Variants in WDR37 observed in about 807,000 individuals in gnomAD.
WDR37 encodes the protein WD repeat-containing protein 37.
WDR37 carries 19 observed loss-of-function variants against 62.9 expected under a neutral mutation model. That is an observed-to-expected ratio of 0.30 (90% CI 0.21 to 0.44). The LOEUF (loss-of-function observed/expected upper bound fraction) is 0.44, where lower values mean the gene tolerates loss of function less well. WDR37 is among the 20% of genes least tolerant of loss of function. WDR37 has a pLI of 1.00. For synonymous variants in WDR37, 250 were observed against 260.9 expected (o/e 0.96, Z 0.40); for missense variants, 474 against 657.6 (o/e 0.72, Z 3.05).
chr10:1,090,735 C>T (rs555307577), intron 7 of WDR37, among the ~76,000 whole-genome samples: 2 of 152,204 alleles, frequency 1.3e-5, no homozygotes, highest in Non-Finnish European at 2.9e-5. Context: ...TTGTTCTTCT[C>T]TCTTTAGATT....
intron 1 of WDR37, among the ~76,000 whole-genome samples, chr10:1,068,687 ACT>A (rs1251566421): frequency 6.6e-6 from 1 of 152,120 alleles, no homozygotes; most frequent in African/African-American, 2.4e-5. Context: ...ATAGTTTGAC[ACT>A]CTTAGAAAAA....
At chr10:1,116,952 A>G (rs117720066) in intron 11 of WDR37, among the ~76,000 whole-genome samples, 3,330 of 151,988 alleles carry the variant, frequency 0.022, 60 homozygotes, top group Non-Finnish European at 0.035. Flanking sequence ...CCGTGCCACC[A>G]CCTGCAGAGC....
chr10:1,089,877 G>C (rs903927313), intron 7 of WDR37, among the ~76,000 whole-genome samples: 39 of 152,216 alleles, frequency 2.6e-4, no homozygotes, highest in African/African-American at 9.4e-4. Context: ...TGTCAGAGAG[G>C]GGAGAAGACG....
rs1249575160 is a variant in WDR37 at position 1,069,510 on chromosome 10, A to G, written c.-40-2606A>G. Among the ~76,000 whole-genome samples the G allele has an allele frequency of 2.6e-5, 4 of 151,322 alleles. No individual in the cohort carries two copies. The East Asian group carries it at 7.8e-4, about 29-fold the overall frequency. ...TTGATACATGCAGAAAATTGGTTGG[A>G]TCGTAACCATTAAATTGAGTGGAAA... On this transcript the variant is annotated intron_variant, in intron 1 of 13. Coordinates refer to ENST00000263150, the MANE Select transcript of WDR37 (RefSeq NM_014023.4).
intron 7 of WDR37, among the ~76,000 whole-genome samples, chr10:1,087,440 A>G (rs1834239663): frequency 6.6e-6 from 1 of 152,216 alleles, no homozygotes; most frequent in Non-Finnish European, 1.5e-5. Flanking sequence ...ATATATGTGC[A>G]TAGGTTAAAA....
At chr10:1,077,177 G>C (rs1471475786) in intron 2 of WDR37, among the ~76,000 whole-genome samples, 1 of 152,112 alleles carries the variant, frequency 6.6e-6, no homozygotes, top group Non-Finnish European at 1.5e-5. Flanking sequence ...CCTGTTGACT[G>C]GTGGGTCCAA....
At chr10:1,069,389 A>ATTTTTTTTTTTTT (rs377212232) in intron 1 of WDR37, among the ~76,000 whole-genome samples, 5 of 95,806 alleles carry the variant, frequency 5.2e-5, no homozygotes, top group African/African-American at 1.4e-4. Context: ...ATATATATAT[A>ATTTTTTTTTTTTT]TTTTTTTTTT....
chr10:1,123,544 T>G (rs1364795576), intron 11 of WDR37, among the ~76,000 whole-genome samples: 1 of 152,212 alleles, frequency 6.6e-6, no homozygotes, highest in Non-Finnish European at 1.5e-5. Context: ...TAGAGTTTCT[T>G]TTTTTACGAC....
At chr10:1,081,922 A>C (rs1196698872) in intron 5 of WDR37, among the ~76,000 whole-genome samples, 1 of 152,234 alleles carries the variant, frequency 6.6e-6, no homozygotes, top group East Asian at 1.9e-4. Flanking sequence ...AGCAGTAAAA[A>C]ATAAGATTTG....
intron 10 of WDR37, among the ~76,000 whole-genome samples, chr10:1,104,579 T>C (rs1175396701): frequency 2.0e-5 from 3 of 152,224 alleles, no homozygotes; most frequent in Non-Finnish European, 2.9e-5. Flanking sequence ...AAAATCCTTT[T>C]TGCCTTATAA....
In WDR37 at chr10:1,129,689, GTT is replaced by G; in HGVS notation, c.*346_*347del. The stretch of plus-strand genomic sequence containing the variant: ...AATTAAATGTGAACTTCTGTATTAC[GTT>G]GCGGCGTCGGCAGTCCTGCGTTCCC... On this transcript the variant is annotated 3_prime_UTR_variant, in exon 14 of 14. Coordinates refer to ENST00000263150, the MANE Select transcript of WDR37 (RefSeq NM_014023.4). The G allele has an allele frequency of 1.1e-5, 2 of 181,908 alleles. No homozygotes were observed. The highest frequency in any genetic ancestry group is 1.2e-4 in the South Asian group (1 of 8,624). The allele number at this position is 181,908 out of a possible 1,614,324, so 11.3% of individuals were successfully genotyped here.
chr10:1,075,133 A>C (rs1833835655), intron 2 of WDR37, among the ~76,000 whole-genome samples: 1 of 152,096 alleles, frequency 6.6e-6, no homozygotes, highest in South Asian at 2.1e-4. Context: ...GAAAAGGTTG[A>C]AAGTCATTTT....
chr10:1,101,936 T>C (rs1834820120), intron 9 of WDR37, among the ~76,000 whole-genome samples: 1 of 152,106 alleles, frequency 6.6e-6, no homozygotes, highest in Non-Finnish European at 1.5e-5. Context: ...TGTCTCCATG[T>C]TGATTTGTGT....
chr10:1,059,801 A>AAT (rs924582384), intron 1 of WDR37, among the ~76,000 whole-genome samples: 26 of 152,100 alleles, frequency 1.7e-4, no homozygotes, highest in African/African-American at 5.8e-4. Context: ...TGTCTCAAAA[A>AAT]ATATATATAT....
At position 1,084,531 on chromosome 10, in the gene WDR37, A is replaced by G. The variant is rs769356628; in HGVS notation, c.525A>G (p.Ala175=). The part of the protein sequence containing the change: ...AKTQPVVLGT[A]SADHTALLWS... ...CACAGCCAGTGGTGCTCGGGACTGC[A>G]TCAGCCGGTGAGTCGCACACGGACC... Residue 175 remains alanine, a synonymous_variant, in exon 6 of 14, where the codon GCA becomes GCG. Coordinates refer to ENST00000263150, the MANE Select transcript of WDR37 (RefSeq NM_014023.4). The G allele has an allele frequency of 1.2e-6, 2 of 1,613,930 alleles. No individual in the cohort carries two copies. Among genetic ancestry groups the G allele is most frequent in the South Asian group, 1.1e-5 (1 of 91,078 alleles).
chr10:1,117,521 T>C (rs1258879238), intron 11 of WDR37, among the ~76,000 whole-genome samples: 1 of 152,260 alleles, frequency 6.6e-6, no homozygotes, highest in Non-Finnish European at 1.5e-5. Context: ...TGAATCGCTC[T>C]ACTGGACAGC....
chr10:1,065,689 T>A (rs1385865269), intron 1 of WDR37, among the ~76,000 whole-genome samples: 1 of 152,146 alleles, frequency 6.6e-6, no homozygotes, highest in Non-Finnish European at 1.5e-5. Context: ...TTCAACTTGA[T>A]AAACAGCACC....
At chr10:1,092,825 G>A (rs7921173) in intron 7 of WDR37, among the ~76,000 whole-genome samples, 13,405 of 140,156 alleles carry the variant, frequency 0.096, 1,274 homozygotes, top group African/African-American at 0.26. Context: ...AGCTGAGATC[G>A]TGCCATTGCA....
At chr10:1,113,030 G>A (rs1835262972) in intron 11 of WDR37, among the ~76,000 whole-genome samples, 2 of 152,212 alleles carry the variant, frequency 1.3e-5, no homozygotes, top group South Asian at 2.1e-4. Context: ...AAGATGCCAC[G>A]TAGAACTTTC....
Sources: gnomAD v4.1 joint callset for allele counts (sites outside exome capture counted in the v4.1 genomes callset) on GRCh38, gnomAD v4.1.1 for gene constraint, MANE v1.5 for transcripts, NCBI Gene and HGNC (gene_info 2026-07-23, HGNC 2026-07-21) for gene names.